SLC28A1: variants seen among roughly 807,000 people sequenced by gnomAD.
The protein encoded by SLC28A1 is solute carrier family 28 member 1, also known as sodium/nucleoside cotransporter 1.
In SLC28A1, 64 loss-of-function variants were observed where a neutral mutation model predicts 74.8. That is an observed-to-expected ratio of 0.86 (90% CI 0.70 to 1.05). The LOEUF is 1.05. Among genes scored for constraint, SLC28A1 ranks in the 50% least tolerant of loss-of-function variants. The pLI, the probability that SLC28A1 is intolerant of heterozygous loss-of-function variation, is 0.00. For synonymous variants in SLC28A1, 359 were observed against 335.0 expected, an observed-to-expected ratio of 1.07 and a Z score of -0.78; for missense variants, 828 against 822.8, an observed-to-expected ratio of 1.01 and a Z score of -0.08.
chr15:84,922,358 C>T lies in SLC28A1; in HGVS notation c.957+1289C>T, dbSNP rs191163218. On this transcript the variant is annotated intron_variant, in intron 11 of 18. Transcript: ENST00000394573. ...ACTGTTGCTCCCCTCCCTCATCACC[C>T]CTGCCCCTCTCAAGCCCTTCCCCTC... Among the ~76,000 whole-genome samples the T allele has an allele frequency of 1.9e-3, 294 of 152,264 alleles. 1 individual carries two copies. The highest frequency in any genetic ancestry group is 6.6e-3 in the African/African-American group (275 of 41,552).
chr15:84,887,658 C>T (rs1157038654), intron 2 of SLC28A1, 87 bp from the exon 3 acceptor site: 6 of 1,564,176 alleles, frequency 3.8e-6, no homozygotes, highest in Non-Finnish European at 5.2e-6. Flanking sequence ...TCCCCCCACT[C>T]AGTCCTCTCC....
At chr15:84,908,551 C>T (rs1967615606) in intron 8 of SLC28A1, among the ~76,000 whole-genome samples, 167 bp from the exon 9 acceptor site, 1 of 151,914 alleles carries the variant, frequency 6.6e-6, no homozygotes, top group Non-Finnish European at 1.5e-5. Context: ...GAGTGAGTGC[C>T]CGTGACAGCA....
At chr15:84,921,232 T>G in intron 11 of SLC28A1, among the ~76,000 whole-genome samples, 163 bp downstream of exon 11, 1 of 152,208 alleles carries the variant, frequency 6.6e-6, no homozygotes, top group African/African-American at 2.4e-5. Context: ...GTTTGGGGGA[T>G]GCCTGGGTCA....
Position 84,895,100 on chromosome 15 carries a change from C to T in SLC28A1, c.438C>T (p.Pro146=), listed in dbSNP as rs1247923878. The T allele has an allele frequency of 6.2e-7, 1 of 1,614,050 alleles. No individual in the cohort carries two copies. Among genetic ancestry groups the T allele is most frequent in the Non-Finnish European group, 8.5e-7 (1 of 1,179,962 alleles). Residue 146 remains proline (P), a synonymous_variant, in exon 6 of 19, where the codon CCC becomes CCT. Transcript: ENST00000394573. ...GGTTTCTCAAGCCTCAGGGCCATCCCCGCCTGCTGCTCTGGTTTAAGAGGT... is the reference window on the plus strand; with the variant it reads ...GGTTTCTCAAGCCTCAGGGCCATCCTCGCCTGCTGCTCTGGTTTAAGAGGT... ...LRRFLKPQGH[P]RLLLWFKRGL...
Position 84,935,314 on chromosome 15 carries a change from C to T in SLC28A1, c.1384-7C>T. On this transcript the variant is annotated splice_region_variant and splice_polypyrimidine_tract_variant and intron_variant, in intron 14 of 18. Transcript: ENST00000394573. ...CCTCGGTGCCAGCCATACCGTTGTG[C>T]CCTCAGCTCATCTGCTCCTACATCC... is the stretch of plus-strand genomic sequence containing the variant. 1.2e-6 allele frequency: 2 copies of T among 1,614,164 alleles called. No homozygotes were observed. The highest frequency in any genetic ancestry group is 1.7e-6 in the Non-Finnish European group (2 of 1,180,012).
chr15:84,962,304 C>T, the SLC28A1 span, among the ~76,000 whole-genome samples: 1 of 151,256 alleles, frequency 6.6e-6, no homozygotes, highest in South Asian at 2.1e-4. Flanking sequence ...GAACTCCTGG[C>T]CTCAGGTGAT....
rs1965836324 is a variant in SLC28A1 at position 84,895,134 on chromosome 15, TCA to T, written c.461+14_461+15del. ...GCTCTGGTTTAAGAGGTGAGTGAGCTCACAGCCCCGAGGCAGGGCAGGGGAGG... is the reference window on the plus strand; with the variant it reads ...GCTCTGGTTTAAGAGGTGAGTGAGCTCAGCCCCGAGGCAGGGCAGGGGAGG... On this transcript the variant is annotated intron_variant, in intron 6 of 18. Transcript: ENST00000394573. The T allele has an allele frequency of 6.2e-7, 1 of 1,613,400 alleles. No individual in the cohort carries two copies. Among genetic ancestry groups the T allele is most frequent in the Non-Finnish European group, 8.5e-7 (1 of 1,179,830 alleles).
the SLC28A1 span, among the ~76,000 whole-genome samples, chr15:84,966,900 C>T: frequency 0.051 from 7,795 of 152,174 alleles, 521 homozygotes; most frequent in Admixed American, 0.17. Context: ...ACCTCTTGAG[C>T]ACCTGGGACT....
intron 6 of SLC28A1, chr15:84,896,050 T>G (rs1389617080): frequency 1.5e-6 from 1 of 685,516 alleles, no homozygotes; most frequent in Non-Finnish European, 1.8e-6. Flanking sequence ...TTTGCAATGG[T>G]CTTCTGTGAC....
chr15:84,933,298 C>T (rs1376088289), intron 13 of SLC28A1, 23 bp downstream of exon 13: 11 of 1,610,172 alleles, frequency 6.8e-6, no homozygotes, highest in Admixed American at 1.7e-5. Flanking sequence ...GGAGGTCCTG[C>T]AGACAGGGTA....
chr15:84,936,055 C>T (rs1219519079), intron 15 of SLC28A1, among the ~76,000 whole-genome samples: 6 of 145,856 alleles, frequency 4.1e-5, no homozygotes, highest in African/African-American at 7.8e-5. Flanking sequence ...CCCGGGTTCA[C>T]GCCATTCTCC....
chr15:84,958,863 G>T, the SLC28A1 span, among the ~76,000 whole-genome samples: 3 of 151,902 alleles, frequency 2.0e-5, no homozygotes, highest in African/African-American at 7.2e-5. Context: ...ACTTTGAGAG[G>T]CTAAGGTGGG....
At chr15:84,908,122 A>G (rs1235791158) in intron 8 of SLC28A1, among the ~76,000 whole-genome samples, 2 of 148,652 alleles carry the variant, frequency 1.3e-5, no homozygotes, top group African/African-American at 5.0e-5. Context: ...CACATGTCTC[A>G]TGGTTACTTC....
intron 7 of SLC28A1, among the ~76,000 whole-genome samples, chr15:84,905,225 C>T (rs566087146): frequency 3.9e-5 from 6 of 152,240 alleles, no homozygotes; most frequent in South Asian, 2.1e-4. Flanking sequence ...TGAGGCCAGA[C>T]CCCCAGGCCA....
At chr15:84,904,519 A>G (rs1377387683) in intron 7 of SLC28A1, among the ~76,000 whole-genome samples, 1 of 152,194 alleles carries the variant, frequency 6.6e-6, no homozygotes, top group Non-Finnish European at 1.5e-5. Flanking sequence ...TCAGGTCTGT[A>G]GGCTCAGGAA....
At position 84,945,133 on chromosome 15, in the gene SLC28A1, C is replaced by G; in HGVS notation, c.1883C>G (p.Pro628Arg). Reference sequence around the variant, plus strand: ...CTTTGCTTTCTTTTTAGCGTCAATCCAGAGTTCAGCCCAGAGGCCCTGGAC... The same window carrying G: ...CTTTGCTTTCTTTTTAGCGTCAATCGAGAGTTCAGCCCAGAGGCCCTGGAC... ...CCREAFQSVN[P>R]EFSPEALDNC... Residue 628 changes from proline (P) to arginine (R), a missense_variant, in exon 19 of 19, where the codon CCA becomes CGA. Coordinates refer to ENST00000394573, the MANE Select transcript of SLC28A1 (RefSeq NM_004213.5). 6.2e-7 allele frequency: 1 copy of G among 1,614,046 alleles called. No homozygotes were observed. Among genetic ancestry groups the G allele is most frequent in the Non-Finnish European group, 8.5e-7 (1 of 1,179,972 alleles).
intron 4 of SLC28A1, 126 bp from the exon 5 acceptor site, chr15:84,890,317 T>C (rs910754757): frequency 4.5e-5 from 33 of 731,072 alleles, no homozygotes; most frequent in Admixed American, 1.8e-4. Flanking sequence ...TGTGGGGATG[T>C]CAAGGCAAGC....
chr15:84,888,621 G>A, intron 3 of SLC28A1, 151 bp from the exon 4 acceptor site: 1 of 662,832 alleles, frequency 1.5e-6, no homozygotes, highest in South Asian at 1.6e-5. Flanking sequence ...CTGCCTTGCA[G>A]AATCCAGTTT....
At chr15:84,944,427 G>C (rs1973073607) in intron 16 of SLC28A1, 139 bp from the exon 17 acceptor site, 1 of 714,960 alleles carries the variant, frequency 1.4e-6, no homozygotes. Context: ...TCAGCAAGCT[G>C]TCAGGAGGAC....
Sources: gnomAD v4.1 joint callset for allele counts (sites outside exome capture counted in the v4.1 genomes callset) on GRCh38, gnomAD v4.1.1 for gene constraint, MANE v1.5 for transcripts, NCBI Gene and HGNC (gene_info 2026-07-23, HGNC 2026-07-21) for gene names.